GNAT3: variants seen among roughly 807,000 people sequenced by gnomAD.
GNAT3 encodes G protein subunit alpha transducin 3.
GNAT3 carries 31 observed loss-of-function variants against 37.7 expected under a neutral mutation model. The ratio of observed to expected loss-of-function variants is 0.82; its 90% CI spans 0.62 to 1.11. The LOEUF is 1.11. GNAT3 is among the 50% of genes most tolerant of loss of function. GNAT3 has a pLI of 0.00. For missense variants in GNAT3, 437 were observed against 412.5 expected, an observed-to-expected ratio of 1.06 and a Z score of -0.51; for synonymous variants, 138 against 139.8, an observed-to-expected ratio of 0.99 and a Z score of 0.09.
intron 1 of GNAT3, among the ~76,000 whole-genome samples, chr7:80,498,955 C>T (rs948002488): frequency 2.0e-5 from 3 of 151,806 alleles, no homozygotes; most frequent in Admixed American, 2.0e-4. Context: ...TTAAATCTAC[C>T]CAATATTTAT....
At chr7:80,496,607 G>A (rs1790721697) in intron 1 of GNAT3, among the ~76,000 whole-genome samples, 1 of 152,086 alleles carries the variant, frequency 6.6e-6, no homozygotes, top group Admixed American at 6.6e-5. Context: ...ATTTCACGTT[G>A]CAAAGAATCT....
At chr7:80,479,710 CAAAA>C (rs56730701) in intron 3 of GNAT3, among the ~76,000 whole-genome samples, 1 of 79,456 alleles carries the variant, frequency 1.3e-5, no homozygotes, top group African/African-American at 4.0e-5. Context: ...GACCCTGTCT[CAAAA>C]AAAAAAAAAA....
chr7:80,467,901 T>C (rs1421775533), intron 5 of GNAT3, among the ~76,000 whole-genome samples: 1 of 152,098 alleles, frequency 6.6e-6, no homozygotes, highest in Non-Finnish European at 1.5e-5. Flanking sequence ...CTTACAGTCC[T>C]CATTTGGGAT....
At chr7:80,497,341 G>A (rs1790735704) in intron 1 of GNAT3, among the ~76,000 whole-genome samples, 1 of 151,994 alleles carries the variant, frequency 6.6e-6, no homozygotes, top group Admixed American at 6.6e-5. Flanking sequence ...CAATAGTCTG[G>A]TTTGCTGGCT....
rs1349330775 is a variant in GNAT3 at position 80,462,270 on chromosome 7, T to C, written c.763A>G (p.Asn255Asp). Reference sequence around the variant, plus strand: ...GAGGTTGTTGAAAAATACTTGTGATTACAGATACTGTTGAACAGGTGAAGG... The same window carrying C: ...GAGGTTGTTGAAAAATACTTGTGATCACAGATACTGTTGAACAGGTGAAGG... The part of the protein sequence containing the change: ...ESLHLFNSIC[N>D]HKYFSTTSIV... Residue 255 changes from asparagine (N) to aspartate (D), a missense_variant, in exon 7 of 8, where the codon AAT becomes GAT. Asn to Asp is a conservative substitution (Grantham distance 23). Coordinates refer to ENST00000398291, the MANE Select transcript of GNAT3 (RefSeq NM_001102386.3). 6.2e-7 allele frequency: 1 copy of C among 1,612,810 alleles called. No individual in the cohort carries two copies. The highest frequency in any genetic ancestry group is 2.2e-5 in the East Asian group (1 of 44,834).
chr7:80,487,268 T>C (rs1243759525), intron 3 of GNAT3, among the ~76,000 whole-genome samples: 1 of 152,090 alleles, frequency 6.6e-6, no homozygotes, highest in Non-Finnish European at 1.5e-5. Flanking sequence ...CAGAGAGAGA[T>C]AAAGAATAAA....
At chr7:80,476,058 C>CAGTT (rs1181149934) in intron 4 of GNAT3, among the ~76,000 whole-genome samples, 2 of 151,672 alleles carry the variant, frequency 1.3e-5, no homozygotes, top group East Asian at 3.9e-4. Context: ...TGTTGTTGGT[C>CAGTT]AGTTAGTTCA....
At chr7:80,491,071 C>G (rs1790582018) in intron 2 of GNAT3, among the ~76,000 whole-genome samples, 1 of 151,930 alleles carries the variant, frequency 6.6e-6, no homozygotes, top group Non-Finnish European at 1.5e-5. Context: ...CAGTTCATGG[C>G]AGTGTGGATA....
intron 3 of GNAT3, among the ~76,000 whole-genome samples, chr7:80,486,271 T>G (rs1790477186): frequency 6.6e-6 from 1 of 152,142 alleles, no homozygotes; most frequent in Non-Finnish European, 1.5e-5. Context: ...TCTTGAGAAG[T>G]TATGACAATG....
At chr7:80,507,198 A>G (rs983682650) in intron 1 of GNAT3, among the ~76,000 whole-genome samples, 1 of 151,990 alleles carries the variant, frequency 6.6e-6, no homozygotes, top group African/African-American at 2.4e-5. Context: ...ATGGACAGGC[A>G]TGGACTATGT....
Position 80,458,755 on chromosome 7 carries a change from A to G in GNAT3, c.981T>C (p.Thr327=). 1 of 1,600,288 alleles carries G rather than the reference A, an allele frequency of 6.2e-7. No individual in the cohort carries two copies. The highest frequency in any genetic ancestry group is 8.5e-7 in the Non-Finnish European group (1 of 1,171,714). The change falls in exon 8 of 8, where the codon ACT becomes ACC. Residue 327 remains threonine, a synonymous_variant. Coordinates refer to ENST00000398291, the MANE Select transcript of GNAT3 (RefSeq NM_001102386.3). ...KEIYSHMTCA[T]DTQNVKFVFD... Reference sequence around the variant, plus strand: ...ACACAAACTTGACATTTTGGGTGTCAGTAGCACAGGTCATGTGGGAATAAA... The same window carrying G: ...ACACAAACTTGACATTTTGGGTGTCGGTAGCACAGGTCATGTGGGAATAAA...
intron 1 of GNAT3, among the ~76,000 whole-genome samples, chr7:80,507,327 A>T (rs10269301): frequency 0.11 from 17,184 of 151,264 alleles, 1,080 homozygotes; most frequent in African/African-American, 0.16. Flanking sequence ...AGGGATAATT[A>T]AAAAAAAATA....
intron 1 of GNAT3, among the ~76,000 whole-genome samples, chr7:80,499,074 A>G (rs985732095): frequency 1.3e-5 from 2 of 152,204 alleles, no homozygotes; most frequent in African/African-American, 2.4e-5. Flanking sequence ...GTAATCACAC[A>G]TAAGATTTTT....
chr7:80,479,392 G>A (rs936256513), intron 3 of GNAT3, among the ~76,000 whole-genome samples: 4 of 151,048 alleles, frequency 2.6e-5, no homozygotes, highest in Admixed American at 1.3e-4. Flanking sequence ...TTTAATCATC[G>A]CCATGAATTT....
intron 7 of GNAT3, among the ~76,000 whole-genome samples, chr7:80,460,912 T>G (rs1043708641): frequency 4.6e-5 from 7 of 152,206 alleles, no homozygotes; most frequent in Admixed American, 1.3e-4. Context: ...GAACTCTTTG[T>G]ACTTTCTGTT....
chr7:80,496,727 T>G (rs996936681), intron 1 of GNAT3, among the ~76,000 whole-genome samples: 5 of 152,236 alleles, frequency 3.3e-5, no homozygotes, highest in African/African-American at 1.2e-4. Context: ...AAATGAGATT[T>G]TGTCCTTTGT....
intron 5 of GNAT3, among the ~76,000 whole-genome samples, chr7:80,464,130 A>G (rs777559112): frequency 6.6e-6 from 1 of 151,160 alleles, no homozygotes; most frequent in Non-Finnish European, 1.5e-5. Context: ...TAGACTTTAG[A>G]TATCCTATAG....
At chr7:80,463,427 C>T (rs1241177535) in intron 5 of GNAT3, among the ~76,000 whole-genome samples, 1 of 152,090 alleles carries the variant, frequency 6.6e-6, no homozygotes, top group Non-Finnish European at 1.5e-5. Flanking sequence ...TGCCTCAGGG[C>T]TTTCACACAC....
chr7:80,470,283 G>A (rs1191817320), intron 5 of GNAT3, among the ~76,000 whole-genome samples: 5 of 151,968 alleles, frequency 3.3e-5, no homozygotes, highest in Admixed American at 6.6e-5. Flanking sequence ...GCGCAGTGGC[G>A]CGATCTTGGC....
Sources: gnomAD v4.1 joint callset for allele counts (sites outside exome capture counted in the v4.1 genomes callset) on GRCh38, gnomAD v4.1.1 for gene constraint, MANE v1.5 for transcripts, NCBI Gene and HGNC (gene_info 2026-07-23, HGNC 2026-07-21) for gene names.